LRRC37A2: variants seen among roughly 807,000 people sequenced by gnomAD.
The protein encoded by LRRC37A2 is leucine-rich repeat-containing protein 37A2.
LRRC37A2 carries 9 observed loss-of-function variants against 68.8 expected under a neutral mutation model. The ratio of observed to expected loss-of-function variants is 0.13; its 90% confidence interval spans 0.08 to 0.23. The LOEUF (loss-of-function observed/expected upper bound fraction) is 0.23, where lower values mean the gene tolerates loss of function less well. Among genes scored for constraint, LRRC37A2 ranks in the 10% least tolerant of loss-of-function variants. The probability of loss-of-function intolerance (pLI) is 1.00; values close to 1 mark genes in which losing one functional copy is unlikely to be tolerated. For synonymous variants in LRRC37A2, 63 were observed against 367.6 expected (o/e 0.17, Z 9.48); for missense variants, 168 against 950.4 (o/e 0.18, Z 10.82).
chr17:46,741,827 C>T, the LRRC37A2 span, among the ~76,000 whole-genome samples: 6 of 152,100 alleles, frequency 3.9e-5, no homozygotes, highest in Non-Finnish European at 8.8e-5. Flanking sequence ...AGTGCAGTGG[C>T]GCCATCTCGG....
chr17:46,787,287 G>T, the LRRC37A2 span, among the ~76,000 whole-genome samples: 1 of 149,460 alleles, frequency 6.7e-6, no homozygotes, highest in Non-Finnish European at 1.5e-5. Flanking sequence ...AAGTTTTCTT[G>T]CTATTGGAGT....
At chr17:46,751,226 TTTA>T in the LRRC37A2 span, among the ~76,000 whole-genome samples, 1 of 152,208 alleles carries the variant, frequency 6.6e-6, no homozygotes, top group East Asian at 1.9e-4. Context: ...TTAACTTATA[TTTA>T]TTATGGATTG....
chr17:46,946,030 T>A, the LRRC37A2 span, among the ~76,000 whole-genome samples: 3 of 152,212 alleles, frequency 2.0e-5, no homozygotes, highest in South Asian at 6.2e-4. Flanking sequence ...GGGAGACCCT[T>A]GGAAGGCGGG....
chr17:46,978,486 C>T, the LRRC37A2 span: 11 of 816,144 alleles, frequency 1.3e-5, no homozygotes, highest in African/African-American at 1.1e-4. Context: ...AGTCCCTTCC[C>T]GCGCCCCCGC....
the LRRC37A2 span, among the ~76,000 whole-genome samples, chr17:46,810,158 C>G: frequency 6.6e-6 from 1 of 152,022 alleles, no homozygotes; most frequent in African/African-American, 2.4e-5. Flanking sequence ...AGGCTCCCAC[C>G]ACCACGCCCA....
At chr17:47,023,698 G>C in the LRRC37A2 span, among the ~76,000 whole-genome samples, 2 of 152,012 alleles carry the variant, frequency 1.3e-5, no homozygotes, top group African/African-American at 4.8e-5. Flanking sequence ...GGGTTCAAGC[G>C]ATTCTCCTGC....
the LRRC37A2 span, chr17:46,711,266 C>A: frequency 1.3e-6 from 1 of 746,574 alleles, no homozygotes; most frequent in Non-Finnish European, 2.0e-6. Flanking sequence ...ATCTATGTAC[C>A]AATATTGTGT....
the LRRC37A2 span, among the ~76,000 whole-genome samples, chr17:46,712,369 C>G: frequency 6.6e-6 from 1 of 152,144 alleles, no homozygotes; most frequent in Non-Finnish European, 1.5e-5. Context: ...GCTGTTGTCT[C>G]TATTTTGTAG....
At chr17:46,940,529 G>A in the LRRC37A2 span, 2 of 1,614,052 alleles carry the variant, frequency 1.2e-6, no homozygotes, top group Non-Finnish European at 1.7e-6. Context: ...CTGAGACTGC[G>A]ACGGCAAGGC....
the LRRC37A2 span, chr17:47,018,245 G>C: frequency 9.4e-5 from 151 of 1,611,500 alleles, no homozygotes; most frequent in Non-Finnish European, 1.1e-4. Context: ...TTCCTCCTAT[G>C]GAGCATGAAC....
chr17:46,779,215 C>T, the LRRC37A2 span, among the ~76,000 whole-genome samples: 4 of 152,176 alleles, frequency 2.6e-5, no homozygotes, highest in Non-Finnish European at 5.9e-5. Flanking sequence ...CCTCACTCGC[C>T]AGACCTCCCG....
chr17:46,844,853 T>C, the LRRC37A2 span, among the ~76,000 whole-genome samples: 7 of 152,174 alleles, frequency 4.6e-5, no homozygotes, highest in African/African-American at 1.7e-4. Context: ...TCTTTCTTTT[T>C]TATTTTTTGG....
At chr17:46,931,814 T>C in the LRRC37A2 span, 1 of 554,636 alleles carries the variant, frequency 1.8e-6, no homozygotes, top group Non-Finnish European at 3.2e-6. Flanking sequence ...CTGTCATGCA[T>C]CCAGAATCAG....
chr17:46,826,086 C>T, the LRRC37A2 span, among the ~76,000 whole-genome samples: 1 of 152,190 alleles, frequency 6.6e-6, no homozygotes, highest in Non-Finnish European at 1.5e-5. Context: ...AGGGGTCTTG[C>T]GGGGAAGACT....
At chr17:46,418,291 G>C in the LRRC37A2 span, among the ~76,000 whole-genome samples, 1 of 64,562 alleles carries the variant, frequency 1.5e-5, no homozygotes, top group African/African-American at 3.8e-5. Flanking sequence ...TTTCTTACTA[G>C]GCGTAATCAA....
At chr17:46,982,285 T>C in the LRRC37A2 span, among the ~76,000 whole-genome samples, 1 of 152,202 alleles carries the variant, frequency 6.6e-6, no homozygotes, top group East Asian at 1.9e-4. Context: ...CCCTGGCTTT[T>C]GCTATACCCT....
chr17:46,876,432 C>G, the LRRC37A2 span: 4 of 1,613,742 alleles, frequency 2.5e-6, no homozygotes, highest in South Asian at 4.4e-5. Context: ...GAGCTGTGGG[C>G]CCCTGCCAGG....
At chr17:46,679,388 A>G in the LRRC37A2 span, among the ~76,000 whole-genome samples, 2 of 138,084 alleles carry the variant, frequency 1.4e-5, no homozygotes, top group Non-Finnish European at 3.1e-5. Context: ...TGATATGAAT[A>G]TTTTTAAAGG....
chr17:46,790,877 A>AAAGGACAGGAT, the LRRC37A2 span, among the ~76,000 whole-genome samples: 1 of 152,200 alleles, frequency 6.6e-6, no homozygotes, highest in African/African-American at 2.4e-5. Context: ...GTACATCGGA[A>AAAGGACAGGAT]AAGGACAGGA....
Sources: gnomAD v4.1 joint callset for allele counts (sites outside exome capture counted in the v4.1 genomes callset) on GRCh38, gnomAD v4.1.1 for gene constraint, MANE v1.5 for transcripts, NCBI Gene and HGNC (gene_info 2026-07-23, HGNC 2026-07-21) for gene names.